Variants in SDK1 observed in about 807,000 individuals in gnomAD.
SDK1 encodes the protein protein sidekick-1.
In SDK1, 157 loss-of-function variants were observed where a neutral mutation model predicts 245.5. The observed-to-expected ratio is 0.64, with a 90% CI of 0.56 to 0.73. The LOEUF (loss-of-function observed/expected upper bound fraction) is 0.73, where lower values mean the gene tolerates loss of function less well. Among genes scored for constraint, SDK1 ranks in the 30% least tolerant of loss-of-function variants. The probability of loss-of-function intolerance (pLI) is 0.00; values close to 1 mark genes in which losing one functional copy is unlikely to be tolerated. For missense variants in SDK1, 3,583 were observed against 3,002.3 expected (o/e 1.19, Z -4.52); for synonymous variants, 1,647 against 1,278.5 (o/e 1.29, Z -6.15).
intron 1 of SDK1, among the ~76,000 whole-genome samples, chr7:3,583,042 T>C (rs148007257): frequency 5.6e-4 from 85 of 152,292 alleles, no homozygotes; most frequent in African/African-American, 2.0e-3. Flanking sequence ...TAGTCCTAAA[T>C]GCAGAGGGCA....
At chr7:3,544,460 G>A (rs1052996851) in intron 1 of SDK1, among the ~76,000 whole-genome samples, 1 of 152,320 alleles carries the variant, frequency 6.6e-6, no homozygotes, top group East Asian at 1.9e-4. Flanking sequence ...GCCCAAATGA[G>A]GGGCGAAGTC....
chr7:3,464,621 A>G (rs1562501651), intron 1 of SDK1, among the ~76,000 whole-genome samples: 1 of 152,038 alleles, frequency 6.6e-6, no homozygotes, highest in Non-Finnish European at 1.5e-5. Context: ...TTTCAAGTCA[A>G]CATTTAAAAC....
intron 1 of SDK1, among the ~76,000 whole-genome samples, chr7:3,495,944 G>C (rs1782011977): frequency 2.0e-5 from 3 of 152,160 alleles, no homozygotes; most frequent in Admixed American, 2.0e-4. Context: ...ACAGATTCCA[G>C]AAGAATTTTG....
At chr7:3,605,154 A>G (rs1019129179) in intron 1 of SDK1, among the ~76,000 whole-genome samples, 2 of 151,614 alleles carry the variant, frequency 1.3e-5, no homozygotes, top group Non-Finnish European at 2.9e-5. Flanking sequence ...AAACACACAC[A>G]CACACACACA....
At chr7:3,868,060 C>T (rs75989901) in intron 5 of SDK1, among the ~76,000 whole-genome samples, 7,151 of 152,154 alleles carry the variant, frequency 0.047, 539 homozygotes, top group African/African-American at 0.16. Context: ...AATGTTAATC[C>T]TGGCATATTT....
At chr7:3,747,606 TG>T (rs1779662028) in intron 4 of SDK1, among the ~76,000 whole-genome samples, 1 of 152,174 alleles carries the variant, frequency 6.6e-6, no homozygotes, top group Non-Finnish European at 1.5e-5. Context: ...AAATAAATCA[TG>T]GGGCAAAGGG....
chr7:4,208,270 C>A lies in SDK1; in HGVS notation c.5386C>A (p.Arg1796Ser). The change falls in exon 37 of 45, where the codon CGC becomes AGC. Residue 1796 changes from arginine to serine, a missense_variant. Coordinates refer to ENST00000404826, the MANE Select transcript of SDK1 (RefSeq NM_152744.4). ...ACCTAAGAGTGACCCCCAGCAGGGG[C>A]GCACCCACCAGGCCGGTAGGAGGAA... ...DGPKSDPQQGRTHQAAPGAPS... is the reference protein window; with the variant it reads ...DGPKSDPQQGSTHQAAPGAPS... 1 of 1,613,174 alleles carries A rather than the reference C, an allele frequency of 6.2e-7. No individual in the cohort carries two copies. The highest frequency in any genetic ancestry group is 8.5e-7 in the Non-Finnish European group (1 of 1,179,752).
chr7:3,909,213 C>T (rs1281917850), intron 5 of SDK1, among the ~76,000 whole-genome samples: 1 of 152,214 alleles, frequency 6.6e-6, no homozygotes, highest in African/African-American at 2.4e-5. Flanking sequence ...CCATCATACA[C>T]CTGTTTTCCA....
rs184632486 is a variant in SDK1, at chr7:3,903,674, A to G, written c.848-47249A>G. 4.6e-5 allele frequency among the ~76,000 whole-genome samples: 7 copies of G among 152,272 alleles called. No individual in the cohort carries two copies. In the South Asian group the frequency reaches 6.2e-4, roughly 14 times the overall value. Reference sequence around the variant, plus strand: ...TGTTCACTCAAAAAATGGTACACACATGTTTTTTAGCACTCATGAAATACT... The same window carrying G: ...TGTTCACTCAAAAAATGGTACACACGTGTTTTTTAGCACTCATGAAATACT... On this transcript the variant is annotated intron_variant, in intron 5 of 44. Coordinates refer to ENST00000404826, the MANE Select transcript of SDK1 (RefSeq NM_152744.4).
intron 4 of SDK1, among the ~76,000 whole-genome samples, chr7:3,797,571 A>C (rs895381494): frequency 1.3e-5 from 2 of 151,902 alleles, no homozygotes; most frequent in East Asian, 3.9e-4. Flanking sequence ...CTTAATACCT[A>C]AAAAAAATCA....
chr7:4,220,309 CT>C (rs1391954111), intron 39 of SDK1, 39 bp downstream of exon 39: 4 of 1,591,704 alleles, frequency 2.5e-6, no homozygotes, highest in Non-Finnish European at 8.6e-7. Flanking sequence ...TCAATTGCAA[CT>C]TTAGCCTCCC....
At position 3,908,729 on chromosome 7, in the gene SDK1, A is replaced by C. The variant is rs58319165; in HGVS notation, c.848-42194A>C. On this transcript the variant is annotated intron_variant, in intron 5 of 44. Coordinates refer to ENST00000404826, the MANE Select transcript of SDK1 (RefSeq NM_152744.4). ...AGGGGAAATCATCTTCTTTTGTAAG[A>C]GAATACATGATAAATTTATTTTCCC... Among the ~76,000 whole-genome samples the C allele has an allele frequency of 6.9e-3, 1,044 of 152,256 alleles. 11 individuals carry two copies. Among genetic ancestry groups the C allele is most frequent in the African/African-American group, 0.024 (1,002 of 41,536 alleles).
chr7:3,774,689 C>A (rs903437179), intron 4 of SDK1, among the ~76,000 whole-genome samples: 9 of 152,166 alleles, frequency 5.9e-5, no homozygotes, highest in African/African-American at 2.2e-4. Flanking sequence ...CTGCCATCTT[C>A]CCAGAATCAT....
At chr7:4,038,439 C>T (rs1257183420) in intron 17 of SDK1, among the ~76,000 whole-genome samples, 1 of 152,098 alleles carries the variant, frequency 6.6e-6, no homozygotes, top group Non-Finnish European at 1.5e-5. Context: ...GATTCAAACT[C>T]ATGCCATACA....
intron 4 of SDK1, among the ~76,000 whole-genome samples, chr7:3,780,363 A>C (rs1303014515): frequency 6.6e-6 from 1 of 152,224 alleles, no homozygotes; most frequent in Non-Finnish European, 1.5e-5. Flanking sequence ...GAGAAACAGC[A>C]TGGCCACAGT....
intron 1 of SDK1, among the ~76,000 whole-genome samples, chr7:3,582,659 T>C (rs1238095662): frequency 1.7e-5 from 2 of 116,470 alleles, no homozygotes; most frequent in African/African-American, 7.2e-5. Flanking sequence ...AACCTGCACA[T>C]GTAGCCCTGA....
At chr7:3,534,450 GA>G (rs1460963654) in intron 1 of SDK1, among the ~76,000 whole-genome samples, 2 of 152,056 alleles carry the variant, frequency 1.3e-5, no homozygotes, top group Non-Finnish European at 2.9e-5. Flanking sequence ...AATTTTTTGA[GA>G]AACCTCCATA....
At chr7:3,661,043 T>C (rs1249935345) in intron 4 of SDK1, among the ~76,000 whole-genome samples, 1 of 152,186 alleles carries the variant, frequency 6.6e-6, no homozygotes, top group Admixed American at 6.5e-5. Flanking sequence ...TCCGTGTTCA[T>C]GGTCATTTCA....
intron 4 of SDK1, among the ~76,000 whole-genome samples, chr7:3,653,869 T>C (rs1192581322): frequency 1.3e-5 from 2 of 152,166 alleles, no homozygotes; most frequent in Non-Finnish European, 2.9e-5. Context: ...GCTTCACTTA[T>C]GAAGCAGAGA....
Sources: gnomAD v4.1 joint callset for allele counts (sites outside exome capture counted in the v4.1 genomes callset) on GRCh38, gnomAD v4.1.1 for gene constraint, MANE v1.5 for transcripts, NCBI Gene and HGNC (gene_info 2026-07-23, HGNC 2026-07-21) for gene names.